Variants in MACF1 observed in about 807,000 individuals in gnomAD.
MACF1 encodes the protein microtubule-actin cross-linking factor 1.
In MACF1, 193 loss-of-function variants were observed where a neutral mutation model predicts 854.8. That is an observed-to-expected ratio of 0.23 (90% CI 0.20 to 0.25). The LOEUF (loss-of-function observed/expected upper bound fraction) is 0.25, where lower values mean the gene tolerates loss of function less well. Ranked by LOEUF, MACF1 falls within the 10% of genes least tolerant of loss-of-function variation. The pLI, the probability that MACF1 is intolerant of heterozygous loss-of-function variation, is 1.00. For missense variants in MACF1, 7,722 were observed against 8,929.1 expected (o/e 0.86, Z 5.45); for synonymous variants, 3,185 against 3,226.7 (o/e 0.99, Z 0.44).
chr1:39,448,508 C>G, intron 83 of MACF1, 86 bp from the exon 84 acceptor site: 1 of 1,159,264 alleles, frequency 8.6e-7, no homozygotes, highest in Non-Finnish European at 1.2e-6. Flanking sequence ...TATTTGGTTT[C>G]TAGCCTGAAA....
chr1:39,327,115 A>G lies in MACF1; in HGVS notation c.4479-103A>G, dbSNP rs563549350. On this transcript the variant is annotated intron_variant, in intron 35 of 100. Transcript: ENST00000564288. ...AAGTCTCCGATGAATATGGAAGAAGATCATCCATCCAAGATGAAGAAGTAG... is the reference window on the plus strand; with the variant it reads ...AAGTCTCCGATGAATATGGAAGAAGGTCATCCATCCAAGATGAAGAAGTAG... 8.1e-5 allele frequency: 90 copies of G among 1,104,830 alleles called. No homozygotes were observed. The Middle Eastern group carries it at 1.4e-3, about 18-fold the overall frequency. The allele number at this position is 1,104,830 out of a possible 1,614,324, so 68.4% of individuals were successfully genotyped here. A position where few individuals can be genotyped will look rare whatever the true frequency, so the allele number is the denominator to read the frequency against.
intron 2 of MACF1, among the ~76,000 whole-genome samples, chr1:39,089,720 A>C (rs1371686543): frequency 1.1e-4 from 2 of 18,502 alleles, no homozygotes; most frequent in Non-Finnish European, 4.9e-4. Context: ...TTCATTCAAT[A>C]AAAAAAATGG....
chr1:39,233,793 TTTTTA>T (rs1644815836), intron 2 of MACF1, among the ~76,000 whole-genome samples: 1 of 89,470 alleles, frequency 1.1e-5, no homozygotes, highest in African/African-American at 3.1e-5. Context: ...TTTTTTTTTT[TTTTTA>T]TTTATTTTTT....
chr1:39,420,838 T>G (rs1183097707), intron 58 of MACF1, among the ~76,000 whole-genome samples: 1 of 151,682 alleles, frequency 6.6e-6, no homozygotes, highest in African/African-American at 2.4e-5. Flanking sequence ...GCTGGTTCTA[T>G]CCCTCTGATA....
intron 49 of MACF1, among the ~76,000 whole-genome samples, chr1:39,363,394 T>G (rs1419411650): frequency 6.6e-6 from 1 of 152,166 alleles, no homozygotes; most frequent in East Asian, 1.9e-4. Flanking sequence ...TTTCTATTCC[T>G]TTTTACCAAA....
chr1:39,142,412 C>G (rs914970940), intron 2 of MACF1, among the ~76,000 whole-genome samples: 16 of 152,070 alleles, frequency 1.1e-4, no homozygotes, highest in African/African-American at 3.6e-4. Flanking sequence ...CAAGATGTAT[C>G]CTGTTAAAAA....
At chr1:39,341,694 G>A (rs1007245925) in intron 40 of MACF1, among the ~76,000 whole-genome samples, 1 of 151,524 alleles carries the variant, frequency 6.6e-6, no homozygotes, top group African/African-American at 2.4e-5. Flanking sequence ...ACGAAACTCC[G>A]TCTTAAAATA....
chr1:39,334,116 C>T lies in MACF1; in HGVS notation c.7528C>T (p.His2510Tyr). The T allele has an allele frequency of 6.2e-7, 1 of 1,614,108 alleles. No homozygotes were observed. Among genetic ancestry groups the T allele is most frequent in the Non-Finnish European group, 8.5e-7 (1 of 1,180,014 alleles). ...KQVVDGGIIH[H>Y]ISGMRLSVDN... ...AGTGGTAGATGGAGGTATCATTCACCATATATCTGGGATGAGACTTTCTGT... is the reference window on the plus strand; with the variant it reads ...AGTGGTAGATGGAGGTATCATTCACTATATATCTGGGATGAGACTTTCTGT... The change falls in exon 37 of 101, where the codon CAT becomes TAT. Residue 2510 changes from histidine (H) to tyrosine (Y), a missense_variant. Physicochemically the swap from His to Tyr is moderately conservative, Grantham distance 83. Coordinates refer to ENST00000564288, the MANE Select transcript of MACF1 (RefSeq NM_001394062.1).
At chr1:39,249,048 T>A (rs1377267129) in intron 2 of MACF1, among the ~76,000 whole-genome samples, 19 of 152,144 alleles carry the variant, frequency 1.2e-4, no homozygotes, top group Admixed American at 1.2e-3. Context: ...CACCTGGCAA[T>A]GAGTATCACT....
chr1:39,483,044 G>A (rs565583162), intron 99 of MACF1, among the ~76,000 whole-genome samples: 1 of 123,108 alleles, frequency 8.1e-6, no homozygotes, highest in Non-Finnish European at 1.6e-5. Context: ...CATGAAGTAT[G>A]CCACTGTGCT....
intron 2 of MACF1, among the ~76,000 whole-genome samples, chr1:39,147,335 C>A (rs1051807179): frequency 4.2e-5 from 6 of 141,982 alleles, no homozygotes; most frequent in Non-Finnish European, 6.1e-5. Flanking sequence ...CCTTCCTTTT[C>A]TTTTTCCTTC....
intron 44 of MACF1, among the ~76,000 whole-genome samples, chr1:39,354,439 C>G (rs1029658214): frequency 2.0e-5 from 3 of 152,082 alleles, no homozygotes; most frequent in Non-Finnish European, 4.4e-5. Context: ...GAGTCTTGCT[C>G]TGTTACCCAG....
chr1:39,159,535 A>G (rs1643755942), intron 2 of MACF1, among the ~76,000 whole-genome samples: 1 of 152,148 alleles, frequency 6.6e-6, no homozygotes. Flanking sequence ...AAGCCTTTGT[A>G]AAGAGTAAAA....
At chr1:39,182,440 A>G (rs1644116958) in intron 2 of MACF1, among the ~76,000 whole-genome samples, 1 of 152,112 alleles carries the variant, frequency 6.6e-6, no homozygotes, top group Non-Finnish European at 1.5e-5. Context: ...ATGGGAGAAA[A>G]TATTTGCAAA....
chr1:39,102,623 G>T, intron 2 of MACF1: 2 of 620,958 alleles, frequency 3.2e-6, no homozygotes, highest in South Asian at 3.8e-5. Flanking sequence ...AGGGATAGGG[G>T]TATTTGATGA....
chr1:39,373,958 AAGGCCAGGCAC>A (rs1297961731), intron 52 of MACF1, among the ~76,000 whole-genome samples: 1 of 149,920 alleles, frequency 6.7e-6, no homozygotes, highest in Non-Finnish European at 1.5e-5. Context: ...ATCTAATATG[AAGGCCAGGCAC>A]AGTGGCTCAC....
intron 58 of MACF1, among the ~76,000 whole-genome samples, chr1:39,393,823 A>C (rs553281807): frequency 1.3e-5 from 2 of 148,934 alleles, no homozygotes; most frequent in African/African-American, 2.5e-5. Context: ...AAAAGAAAGA[A>C]AGACAGAGAG....
intron 86 of MACF1, 144 bp from the exon 87 acceptor site, chr1:39,452,540 C>G: frequency 8.3e-7 from 1 of 1,200,520 alleles, no homozygotes; most frequent in Non-Finnish European, 1.2e-6. Flanking sequence ...TTTCAAAGAT[C>G]TACAAATGAA....
At chr1:39,475,339 C>T (rs1017624896) in intron 97 of MACF1, among the ~76,000 whole-genome samples, 1 of 151,954 alleles carries the variant, frequency 6.6e-6, no homozygotes, top group Non-Finnish European at 1.5e-5. Flanking sequence ...CAAGGTGGTA[C>T]ATGCCTGTAG....
Sources: allele counts gnomAD v4.1 joint callset (sites outside exome capture counted in the v4.1 genomes callset), GRCh38; gene constraint gnomAD v4.1.1; transcripts MANE v1.5; gene names NCBI Gene and HGNC (gene_info 2026-07-23, HGNC 2026-07-21).